KIF21A: variants seen among roughly 807,000 people sequenced by gnomAD.
KIF21A encodes the protein kinesin family member 21A, also known as kinesin-like protein KIF21A.
KIF21A carries 114 observed loss-of-function variants against 202.9 expected under a neutral mutation model. The observed-to-expected ratio is 0.56, with a 90% CI of 0.48 to 0.66. The LOEUF (loss-of-function observed/expected upper bound fraction) is 0.66, where lower values mean the gene tolerates loss of function less well. Among genes scored for constraint, KIF21A ranks in the 30% least tolerant of loss-of-function variants. The probability of loss-of-function intolerance (pLI) is 0.00; values close to 1 mark genes in which losing one functional copy is unlikely to be tolerated. For missense variants in KIF21A, 1,677 were observed against 1,994.9 expected (o/e 0.84, Z 3.04); for synonymous variants, 667 against 670.8 (o/e 0.99, Z 0.09).
intron 14 of KIF21A, 36 bp from the exon 15 acceptor site, chr12:39,341,130 T>C (rs1164150912): frequency 6.3e-6 from 9 of 1,429,644 alleles, no homozygotes; most frequent in Non-Finnish European, 8.7e-6. Context: ...ATCCTGGTGC[T>C]AGGCCAAAAT....
intron 31 of KIF21A, among the ~76,000 whole-genome samples, chr12:39,314,863 G>T (rs1944372067): frequency 6.6e-6 from 1 of 151,480 alleles, no homozygotes; most frequent in Non-Finnish European, 1.5e-5. Flanking sequence ...GTATTTTTAT[G>T]TCATTGATTA....
intron 1 of KIF21A, among the ~76,000 whole-genome samples, chr12:39,427,708 G>C (rs1954876581): frequency 6.6e-6 from 1 of 152,182 alleles, no homozygotes; most frequent in African/African-American, 2.4e-5. Flanking sequence ...GCCCAGTCTG[G>C]AGTGCAGTGG....
chr12:39,304,816 C>G lies in KIF21A; in HGVS notation c.4560+5G>C. 1 of 1,369,060 alleles carries G rather than the reference C, an allele frequency of 7.3e-7. No homozygotes were observed. The highest frequency in any genetic ancestry group is 2.3e-5 in the East Asian group (1 of 43,596). 84.8% of individuals were successfully genotyped at this position (1,369,060 alleles called of 1,614,324 possible). The stretch of plus-strand genomic sequence containing the variant: ...AATATAATTCAGAAAGTCTCTTATA[C>G]ATACTTTGATGTAATGATCCTTGGA... On this transcript the variant is annotated splice_donor_5th_base_variant and intron_variant, in intron 35 of 37. Transcript: ENST00000361418.
chr12:39,425,292 A>G (rs1954655704), intron 1 of KIF21A, among the ~76,000 whole-genome samples: 1 of 152,222 alleles, frequency 6.6e-6, no homozygotes, highest in Non-Finnish European at 1.5e-5. Context: ...CTTGAGAATT[A>G]AAGCTCTTGT....
chr12:39,395,318 G>A (rs1401780001), intron 1 of KIF21A, among the ~76,000 whole-genome samples: 1 of 151,922 alleles, frequency 6.6e-6, no homozygotes, highest in African/African-American at 2.4e-5. Context: ...TCTTTCCATT[G>A]CTCTAGAATT....
Position 39,341,490 on chromosome 12 carries a change from C to T in KIF21A, c.1921+15G>A, listed in dbSNP as rs1485780493. On this transcript the variant is annotated intron_variant, in intron 14 of 37. Coordinates refer to ENST00000361418, the MANE Select transcript of KIF21A (RefSeq NM_001173464.2). ...CCCAAAATGAATTTTTGCCCTTATA[C>T]CAAAGGGCAAGTACCTTTTTCATCT... is the stretch of plus-strand genomic sequence containing the variant. 9 of 1,610,648 alleles carry T rather than the reference C, an allele frequency of 5.6e-6. No individual in the cohort carries two copies. The highest frequency in any genetic ancestry group is 7.6e-6 in the Non-Finnish European group (9 of 1,178,144).
At chr12:39,436,422 T>TTTTATATATAGATATATATATA (rs1424497663) in intron 1 of KIF21A, among the ~76,000 whole-genome samples, 2 of 99,116 alleles carry the variant, frequency 2.0e-5, no homozygotes, top group African/African-American at 9.1e-5. Context: ...GTTTACTATA[T>TTTTATATATAGATATATATATA]TATATATATA....
In KIF21A at chr12:39,302,922, T is replaced by C. The variant is rs775675586; in HGVS notation, c.4731+43A>G. The C allele has an allele frequency of 8.5e-6, 13 of 1,521,924 alleles. No homozygotes were observed. In the East Asian group the frequency reaches 2.0e-4, roughly 24 times the overall value. The allele number at this position is 1,521,924 out of a possible 1,614,324, so 94.3% of individuals were successfully genotyped here. A position where few individuals can be genotyped will look rare whatever the true frequency, so the allele number is the denominator to read the frequency against. ...AGTTCTTCTACAGGCTACAGGATTG[T>C]GTTGAAATGCCCACTCTATACCATG... On this transcript the variant is annotated intron_variant, in intron 36 of 37. Transcript: ENST00000361418.
At chr12:39,391,767 TCTTG>T (rs1399244600) in intron 1 of KIF21A, among the ~76,000 whole-genome samples, 2 of 151,876 alleles carry the variant, frequency 1.3e-5, no homozygotes, top group Non-Finnish European at 2.9e-5. Flanking sequence ...TGAGATGGAG[TCTTG>T]CTCTGTCACC....
intron 31 of KIF21A, 59 bp from the exon 32 acceptor site, chr12:39,311,612 A>C: frequency 3.8e-6 from 6 of 1,592,170 alleles, no homozygotes; most frequent in African/African-American, 1.3e-5. Flanking sequence ...AGACTATATC[A>C]TGAGACTAGT....
intron 1 of KIF21A, among the ~76,000 whole-genome samples, chr12:39,433,724 A>G (rs1231016016): frequency 1.3e-5 from 2 of 152,252 alleles, no homozygotes; most frequent in East Asian, 3.8e-4. Context: ...GGAAAAAGAA[A>G]GAATAAAAAT....
chr12:39,436,165 A>T (rs1417489573), intron 1 of KIF21A, among the ~76,000 whole-genome samples: 1 of 151,938 alleles, frequency 6.6e-6, no homozygotes, highest in East Asian at 1.9e-4. Flanking sequence ...TGCTTAAGGG[A>T]TTAAAATTGT....
intron 6 of KIF21A, among the ~76,000 whole-genome samples, chr12:39,363,839 G>A (rs910882089): frequency 6.6e-6 from 1 of 152,158 alleles, no homozygotes; most frequent in African/African-American, 2.4e-5. Flanking sequence ...CCAACATGGG[G>A]AAACCCCATC....
chr12:39,408,368 G>A (rs991171016), intron 1 of KIF21A, among the ~76,000 whole-genome samples: 1 of 151,992 alleles, frequency 6.6e-6, no homozygotes, highest in Non-Finnish European at 1.5e-5. Context: ...CAAAACTCAG[G>A]GGGCAATGCT....
intron 1 of KIF21A, among the ~76,000 whole-genome samples, chr12:39,419,446 G>A (rs1954061583): frequency 6.6e-6 from 1 of 152,154 alleles, no homozygotes; most frequent in South Asian, 2.1e-4. Flanking sequence ...AGGGTTGATT[G>A]AAGCTCCTAT....
At position 39,301,538 on chromosome 12, in the gene KIF21A, G is replaced by T. The variant is rs1161324215; in HGVS notation, c.4873C>A (p.His1625Asn). ...CATATGGCATTGATAGGACTATCAT[G>T]ACCCTTCATCTCTCCCACTGGCATA... The part of the protein sequence containing the change: ...TFMPVGEMKG[H>N]DSPINAICVN... The change falls in exon 37 of 38, where the codon CAT becomes AAT. Residue 1625 changes from histidine to asparagine, a missense_variant. His to Asn is a moderately conservative substitution (Grantham distance 68). Transcript: ENST00000361418. The T allele has an allele frequency of 6.2e-7, 1 of 1,614,058 alleles. No individual in the cohort carries two copies. The highest frequency in any genetic ancestry group is 1.7e-5 in the Admixed American group (1 of 60,020).
In KIF21A at chr12:39,332,046, A is replaced by G. The variant is rs546420342; in HGVS notation, c.3051+168T>C. On this transcript the variant is annotated intron_variant, in intron 21 of 37. Transcript: ENST00000361418. ...CAACAAATGTTATCACACAATCAGC[A>G]GAGAAATCTGAAAAGCAAGCAGGAA... 4.0e-4 allele frequency: 279 copies of G among 692,238 alleles called. 2 individuals carry two copies. The South Asian group carries it at 4.8e-3, about 12-fold the overall frequency. The allele number at this position is 692,238 out of a possible 1,614,324, so 42.9% of individuals were successfully genotyped here. A position where few individuals can be genotyped will look rare whatever the true frequency, so the allele number is the denominator to read the frequency against.
chr12:39,375,400 A>C (rs1950210473), intron 1 of KIF21A, among the ~76,000 whole-genome samples: 1 of 152,120 alleles, frequency 6.6e-6, no homozygotes, highest in Non-Finnish European at 1.5e-5. Context: ...GTATGCCAAG[A>C]ATGCAAGACC....
chr12:39,340,836 A>G lies in KIF21A; in HGVS notation c.2110+70T>C, dbSNP rs982380687. On this transcript the variant is annotated intron_variant, in intron 15 of 37. Transcript: ENST00000361418. ...ATACGGCTTCTATTTTTTTTCTTCT[A>G]AAGGAAAAGATAAAAACCCATTTTG... The G allele has an allele frequency of 5.4e-6, 6 of 1,115,136 alleles. No homozygotes were observed. In the African/African-American group the frequency reaches 9.4e-5, roughly 17 times the overall value. 69.1% of individuals were successfully genotyped at this position (1,115,136 alleles called of 1,614,324 possible).
Sources: gnomAD v4.1 joint callset for allele counts (sites outside exome capture counted in the v4.1 genomes callset) on GRCh38, gnomAD v4.1.1 for gene constraint, MANE v1.5 for transcripts, NCBI Gene and HGNC (gene_info 2026-07-23, HGNC 2026-07-21) for gene names.